ATG7: variants seen among roughly 807,000 people sequenced by gnomAD.
ATG7 encodes the protein autophagy related 7.
A neutral mutation model predicts 82.4 loss-of-function variants in ATG7; 70 were observed. The observed-to-expected ratio is 0.85, with a 90% confidence interval of 0.70 to 1.04. The LOEUF (loss-of-function observed/expected upper bound fraction) is 1.04. Ranked by LOEUF, ATG7 falls within the 50% of genes least tolerant of loss-of-function variation. The probability of loss-of-function intolerance (pLI) is 0.00; values close to 1 mark genes in which losing one functional copy is unlikely to be tolerated. For synonymous variants in ATG7, 287 were observed against 313.0 expected (o/e 0.92, Z 0.88); for missense variants, 792 against 864.3 (o/e 0.92, Z 1.05).
chr3:11,523,252 G>A (rs1197432815), intron 20 of ATG7, among the ~76,000 whole-genome samples: 1 of 152,118 alleles, frequency 6.6e-6, no homozygotes, highest in Non-Finnish European at 1.5e-5. Context: ...TTTCTTGGGC[G>A]GGGCAGCGGG....
At chr3:11,436,278 A>G (rs772563019) in intron 20 of ATG7, among the ~76,000 whole-genome samples, 3 of 152,228 alleles carry the variant, frequency 2.0e-5, no homozygotes, top group Non-Finnish European at 4.4e-5. Flanking sequence ...GTGAGATGGC[A>G]TTCATACCCA....
chr3:11,478,852 T>C (rs2088567605), intron 20 of ATG7, among the ~76,000 whole-genome samples: 1 of 152,210 alleles, frequency 6.6e-6, no homozygotes, highest in African/African-American at 2.4e-5. Flanking sequence ...GTTTCTCTTA[T>C]TAACATGCAT....
chr3:11,410,110 T>A (rs1281766643), intron 19 of ATG7, among the ~76,000 whole-genome samples: 1 of 152,242 alleles, frequency 6.6e-6, no homozygotes, highest in Non-Finnish European at 1.5e-5. Context: ...AATACATTGC[T>A]GTGATTTTGA....
intron 20 of ATG7, among the ~76,000 whole-genome samples, chr3:11,456,958 C>T (rs1056816773): frequency 6.6e-6 from 1 of 152,172 alleles, no homozygotes; most frequent in Non-Finnish European, 1.5e-5. Context: ...AGCATGTCTC[C>T]TCCAGACAAC....
chr3:11,572,017 G>A, the ATG7 span, among the ~76,000 whole-genome samples: 1 of 152,186 alleles, frequency 6.6e-6, no homozygotes, highest in Non-Finnish European at 1.5e-5. Context: ...TGAGGTGGGA[G>A]GATCACCTGA....
At position 11,348,316 on chromosome 3, in the gene ATG7, C is replaced by T. The variant is rs374248570; in HGVS notation, c.1284+281C>T. The stretch of plus-strand genomic sequence containing the variant: ...CTTCAAGAATGAAGCCGCGGACCTT[C>T]GCAGTGAGTGTTACAGCTCTTAAAG... On this transcript the variant is annotated intron_variant, in intron 14 of 20. Transcript: ENST00000693202. The T allele has an allele frequency of 1.0e-4, 36 of 352,166 alleles. 3 individuals are homozygous for T. In the Admixed American group the frequency reaches 1.0e-3, roughly 10 times the overall value. 21.8% of individuals were successfully genotyped at this position (352,166 alleles called of 1,614,324 possible). A position where few individuals can be genotyped will look rare whatever the true frequency, so the allele number is the denominator to read the frequency against.
chr3:11,336,313 C>A (rs926502747), intron 11 of ATG7, among the ~76,000 whole-genome samples: 6 of 151,996 alleles, frequency 3.9e-5, no homozygotes, highest in African/African-American at 1.5e-4. Flanking sequence ...GGATTACAGG[C>A]GTGAGTCACA....
At chr3:11,353,453 A>G (rs1458031936) in intron 14 of ATG7, among the ~76,000 whole-genome samples, 2 of 152,168 alleles carry the variant, frequency 1.3e-5, no homozygotes, top group African/African-American at 2.4e-5. Flanking sequence ...AAAAAAGAAA[A>G]AAGAAAAAGT....
At chr3:11,519,589 T>G (rs1219191370) in intron 20 of ATG7, among the ~76,000 whole-genome samples, 3 of 127,466 alleles carry the variant, frequency 2.4e-5, no homozygotes, top group African/African-American at 8.8e-5. Flanking sequence ...AGACGGAGTC[T>G]CTCTCTGTCG....
chr3:11,410,631 G>T (rs2080807892), intron 19 of ATG7, among the ~76,000 whole-genome samples: 1 of 152,036 alleles, frequency 6.6e-6, no homozygotes, highest in Non-Finnish European at 1.5e-5. Context: ...ACTTTTCTAA[G>T]TCCCTCATAA....
intron 20 of ATG7, among the ~76,000 whole-genome samples, chr3:11,436,823 G>A (rs2083410594): frequency 6.6e-6 from 1 of 152,162 alleles, no homozygotes; most frequent in African/African-American, 2.4e-5. Context: ...GACACATATT[G>A]TAGGATCTCA....
chr3:11,281,114 G>A lies in ATG7; in HGVS notation c.-257+12G>A, dbSNP rs1575124288. 1 of 152,182 alleles carries A rather than the reference G, an allele frequency of 6.6e-6. No homozygotes were observed. Among genetic ancestry groups the A allele is most frequent in the African/African-American group, 2.4e-5 (1 of 41,432 alleles). The allele number at this position is 152,182 out of a possible 1,614,324, so 9.4% of individuals were successfully genotyped here. ...CTTCCCTGATCAAGGTAGGAATGCAGTTACTCTGTCATGACTTTTTCTTAG... is the reference window on the plus strand; with the variant it reads ...CTTCCCTGATCAAGGTAGGAATGCAATTACTCTGTCATGACTTTTTCTTAG... On this transcript the variant is annotated intron_variant, in intron 2 of 20. Coordinates refer to ENST00000693202, the MANE Select transcript of ATG7 (RefSeq NM_001349232.2).
At chr3:11,507,700 T>C (rs367939647) in intron 20 of ATG7, among the ~76,000 whole-genome samples, 9 of 152,176 alleles carry the variant, frequency 5.9e-5, no homozygotes, top group African/African-American at 1.9e-4. Context: ...ATTCATGGAC[T>C]CCTTGAGGGT....
intron 20 of ATG7, among the ~76,000 whole-genome samples, chr3:11,461,294 A>G (rs1161774437): frequency 1.3e-5 from 2 of 152,228 alleles, no homozygotes; most frequent in African/African-American, 2.4e-5. Context: ...TTTGAAAACT[A>G]TAGGGAATAG....
chr3:11,417,130 GAGA>G (rs1262506276), intron 19 of ATG7, among the ~76,000 whole-genome samples: 18 of 152,198 alleles, frequency 1.2e-4, no homozygotes, highest in Admixed American at 5.2e-4. Flanking sequence ...ATGTGAATGT[GAGA>G]AGAATGTGTA....
chr3:11,284,984 C>T (rs1416706041), intron 3 of ATG7, among the ~76,000 whole-genome samples: 1 of 151,444 alleles, frequency 6.6e-6, no homozygotes, highest in African/African-American at 2.4e-5. Flanking sequence ...GTAGTTGGGA[C>T]TATAGGCGCC....
At chr3:11,530,182 A>T (rs886209997) in intron 20 of ATG7, among the ~76,000 whole-genome samples, 1 of 152,204 alleles carries the variant, frequency 6.6e-6, no homozygotes, top group African/African-American at 2.4e-5. Context: ...CTCAGCAGAC[A>T]TGACTAAACA....
At chr3:11,558,475 ATTTT>A (rs369629845), downstream of ATG7, 537 of 790,100 alleles carry the variant, frequency 6.8e-4, 3 homozygotes, top group African/African-American at 8.6e-3. Context: ...CACCCCCATG[ATTTT>A]TTTTTTTTTA....
intron 19 of ATG7, among the ~76,000 whole-genome samples, chr3:11,408,137 T>TAG (rs1470288437): frequency 7.2e-5 from 11 of 152,358 alleles, no homozygotes; most frequent in African/African-American, 2.4e-4. Context: ...CTTTGCTGCT[T>TAG]AGAAATTTCT....
Sources: allele counts gnomAD v4.1 joint callset (sites outside exome capture counted in the v4.1 genomes callset), GRCh38; gene constraint gnomAD v4.1.1; transcripts MANE v1.5; gene names NCBI Gene and HGNC (gene_info 2026-07-23, HGNC 2026-07-21).